Variants in HDAC9 observed in about 807,000 individuals in gnomAD.
HDAC9 encodes MEF-2 interacting transcription repressor (MITR) protein.
A neutral mutation model predicts 139.4 loss-of-function variants in HDAC9; 41 were observed. The ratio of observed to expected loss-of-function variants is 0.29; its 90% confidence interval spans 0.23 to 0.38. The LOEUF is 0.38. Among genes scored for constraint, HDAC9 ranks in the 10% least tolerant of loss-of-function variants. The pLI is 1.00. For missense variants in HDAC9, 1,147 were observed against 1,297.0 expected, an observed-to-expected ratio of 0.88 and a Z score of 1.78; for synonymous variants, 517 against 476.2, an observed-to-expected ratio of 1.09 and a Z score of -1.12.
intron 1 of HDAC9, among the ~76,000 whole-genome samples, chr7:18,374,263 G>A (rs1784817567): frequency 6.6e-6 from 1 of 151,114 alleles, no homozygotes; most frequent in Admixed American, 6.6e-5. Flanking sequence ...ATATATATAT[G>A]TAGTGTAGGT....
chr7:18,359,009 G>A (rs1036186226), intron 1 of HDAC9, among the ~76,000 whole-genome samples: 1 of 152,144 alleles, frequency 6.6e-6, no homozygotes, highest in African/African-American at 2.4e-5. Flanking sequence ...AACCCAGAAG[G>A]CCTTATGCTA....
At chr7:18,716,137 C>T (rs935613046) in intron 12 of HDAC9, among the ~76,000 whole-genome samples, 1 of 152,312 alleles carries the variant, frequency 6.6e-6, no homozygotes, top group Non-Finnish European at 1.5e-5. Context: ...TCTCTTCAGG[C>T]TATTATCTCT....
intron 1 of HDAC9, among the ~76,000 whole-genome samples, chr7:18,106,669 G>A (rs1783227626): frequency 6.6e-6 from 1 of 152,138 alleles, no homozygotes; most frequent in East Asian, 1.9e-4. Context: ...AGCCAGGCTG[G>A]TCTTGAACTC....
chr7:18,856,413 G>C (rs1243362689), intron 21 of HDAC9, among the ~76,000 whole-genome samples: 1 of 152,000 alleles, frequency 6.6e-6, no homozygotes, highest in Admixed American at 6.6e-5. Flanking sequence ...ATGAACAGAG[G>C]GAGTTGAACA....
chr7:18,896,594 T>C (rs1425199839), intron 22 of HDAC9, among the ~76,000 whole-genome samples: 2 of 152,092 alleles, frequency 1.3e-5, no homozygotes, highest in Admixed American at 1.3e-4. Flanking sequence ...AGTGTTTTCT[T>C]TTTCATTCTT....
chr7:18,720,621 C>G (rs1219540770), intron 12 of HDAC9, among the ~76,000 whole-genome samples: 1 of 148,274 alleles, frequency 6.7e-6, no homozygotes, highest in Non-Finnish European at 1.5e-5. Flanking sequence ...ACATACTTTA[C>G]CTTAGTAAAA....
intron 2 of HDAC9, among the ~76,000 whole-genome samples, chr7:18,279,373 T>C (rs1447351972): frequency 6.6e-6 from 1 of 151,994 alleles, no homozygotes; most frequent in Non-Finnish European, 1.5e-5. Context: ...TTAGGGAAAT[T>C]TTCATATTTT....
At chr7:18,370,317 T>A (rs546340178) in intron 1 of HDAC9, among the ~76,000 whole-genome samples, 3 of 144,258 alleles carry the variant, frequency 2.1e-5, no homozygotes, top group African/African-American at 8.8e-5. Flanking sequence ...TTGGCCAGGA[T>A]TTTGATGTTT....
At chr7:18,140,984 A>G (rs572585662) in intron 1 of HDAC9, among the ~76,000 whole-genome samples, 13 of 152,106 alleles carry the variant, frequency 8.5e-5, no homozygotes, top group African/African-American at 2.9e-4. Flanking sequence ...AAAATTCTCA[A>G]TGAGCAGCAT....
chr7:18,100,285 T>C (rs576062397), intron 1 of HDAC9, among the ~76,000 whole-genome samples: 267 of 152,310 alleles, frequency 1.8e-3, no homozygotes, highest in African/African-American at 6.1e-3. Flanking sequence ...GGTATAGCTT[T>C]CTTCATGTTT....
chr7:18,860,672 G>GA (rs71017005), intron 21 of HDAC9, among the ~76,000 whole-genome samples: 6,826 of 151,848 alleles, frequency 0.045, 250 homozygotes, highest in African/African-American at 0.096. Flanking sequence ...ATAAAGGAAA[G>GA]AAAAAAAGGA....
intron 1 of HDAC9, among the ~76,000 whole-genome samples, chr7:18,383,762 G>A (rs367625033): frequency 7.9e-5 from 12 of 151,132 alleles, no homozygotes; most frequent in Admixed American, 3.3e-4. Flanking sequence ...GGTGGCGGGC[G>A]TCTGCAGTCC....
intron 6 of HDAC9, among the ~76,000 whole-genome samples, chr7:18,624,860 C>G (rs1445471388): frequency 1.3e-5 from 2 of 151,862 alleles, no homozygotes; most frequent in Non-Finnish European, 2.9e-5. Context: ...CATCTCTCAC[C>G]CTCACTACTG....
At chr7:18,821,429 C>T (rs1403847437) in intron 17 of HDAC9, among the ~76,000 whole-genome samples, 1 of 152,150 alleles carries the variant, frequency 6.6e-6, no homozygotes, top group African/African-American at 2.4e-5. Flanking sequence ...AAGTGGAAGA[C>T]ATCCCACATA....
chr7:18,165,997 G>C (rs1489433306), intron 2 of HDAC9, among the ~76,000 whole-genome samples: 1 of 152,100 alleles, frequency 6.6e-6, no homozygotes, highest in Non-Finnish European at 1.5e-5. Context: ...ACCCAGGGCA[G>C]CTTTTTAGTC....
chr7:18,331,596 C>G lies in HDAC9; in HGVS notation c.-42+41081C>G, dbSNP rs1179957170. ...ACCTCAAGTTACTCCCAAAGAAGTT[C>G]AAAATGTATCCCAGAACTTAAAGTA... On this transcript the variant is annotated intron_variant, in intron 1 of 3. Transcript: ENST00000413509. Among the ~76,000 whole-genome samples, 3 of 150,254 alleles carry G rather than the reference C, an allele frequency of 2.0e-5. No individual in the cohort carries two copies. In the Admixed American group the frequency reaches 2.0e-4, roughly 10 times the overall value.
At chr7:18,700,390 C>T (rs951726426) in intron 12 of HDAC9, among the ~76,000 whole-genome samples, 29 of 152,140 alleles carry the variant, frequency 1.9e-4, no homozygotes, top group African/African-American at 6.5e-4. Context: ...GGTGACAATG[C>T]GACTGCCATT....
At chr7:18,960,069 G>A (rs557576750) in intron 24 of HDAC9, among the ~76,000 whole-genome samples, 3 of 151,034 alleles carry the variant, frequency 2.0e-5, no homozygotes, top group African/African-American at 7.3e-5. Context: ...AATGAGAAGT[G>A]AATTTATAAT....
chr7:18,367,062 C>T (rs187934609), intron 1 of HDAC9, among the ~76,000 whole-genome samples: 2 of 152,056 alleles, frequency 1.3e-5, no homozygotes, highest in Admixed American at 1.3e-4. Context: ...CATTTTCTTT[C>T]AGAATATACA....
Sources: allele counts gnomAD v4.1 joint callset (sites outside exome capture counted in the v4.1 genomes callset), GRCh38; gene constraint gnomAD v4.1.1; transcripts MANE v1.5; gene names NCBI Gene and HGNC (gene_info 2026-07-23, HGNC 2026-07-21).